The following CLCN3 variants were observed in gnomAD, a reference collection of about 807,000 sequenced individuals.
CLCN3 encodes H(+)/Cl(-) exchange transporter 3.
A neutral mutation model predicts 83.4 loss-of-function variants in CLCN3; 16 were observed. The observed-to-expected ratio is 0.19, with a 90% CI of 0.13 to 0.29. The LOEUF is 0.29. Ranked by LOEUF, CLCN3 falls within the 10% of genes least tolerant of loss-of-function variation. CLCN3 has a pLI of 1.00. For synonymous variants in CLCN3, 322 were observed against 346.2 expected, an observed-to-expected ratio of 0.93 and a Z score of 0.78; for missense variants, 544 against 1,006.0, an observed-to-expected ratio of 0.54 and a Z score of 6.21.
intron 3 of CLCN3, among the ~76,000 whole-genome samples, chr4:169,686,271 A>G (rs952685861): frequency 2.0e-5 from 3 of 151,948 alleles, no homozygotes; most frequent in Non-Finnish European, 4.4e-5. Context: ...ATGTATACAT[A>G]TGTAACAAAC....
At position 169,652,898 on chromosome 4, in the gene CLCN3, A is replaced by G. The variant is rs940450154; in HGVS notation, c.160+16810A>G. Among the ~76,000 whole-genome samples the G allele has an allele frequency of 5.3e-5, 8 of 152,314 alleles. No homozygotes were observed. In the East Asian group the frequency reaches 1.3e-3, roughly 26 times the overall value. ...ATGTCTATTTGGAAATCCTTTTCAG[A>G]GTACCAGTTTGGGTCATTTACTCAT... is the stretch of plus-strand genomic sequence containing the variant. On this transcript the variant is annotated intron_variant, in intron 2 of 12. Transcript: ENST00000513761.
intron 11 of CLCN3, among the ~76,000 whole-genome samples, chr4:169,709,559 C>T (rs1310704202): frequency 6.6e-6 from 1 of 151,936 alleles, no homozygotes; most frequent in African/African-American, 2.4e-5. Context: ...GTGACGCATG[C>T]CTATAATTCC....
intron 1 of CLCN3, among the ~76,000 whole-genome samples, chr4:169,628,328 T>A (rs1773285660): frequency 6.6e-6 from 1 of 152,200 alleles, no homozygotes; most frequent in African/African-American, 2.4e-5. Context: ...CAAAATTAAG[T>A]ATTTTTGCTC....
intron 2 of CLCN3, chr4:169,660,538 C>G (rs1731019436): frequency 1.8e-5 from 15 of 846,822 alleles, no homozygotes; most frequent in Non-Finnish European, 2.4e-5. Flanking sequence ...CTCGTTTGTC[C>G]TTTAAATACT....
At chr4:169,711,826 G>A (rs764625741) in intron 11 of CLCN3, among the ~76,000 whole-genome samples, 7 of 152,020 alleles carry the variant, frequency 4.6e-5, no homozygotes, top group Non-Finnish European at 8.8e-5. Context: ...GCTTATTATG[G>A]CTTAAATGTT....
intron 2 of CLCN3, among the ~76,000 whole-genome samples, chr4:169,646,545 C>G (rs1560833908): frequency 6.6e-6 from 1 of 152,190 alleles, no homozygotes; most frequent in African/African-American, 2.4e-5. Flanking sequence ...ATCTGCCCCC[C>G]TCGGCCTTCC....
intron 2 of CLCN3, among the ~76,000 whole-genome samples, chr4:169,641,788 G>A (rs1560831700): frequency 6.6e-6 from 1 of 152,154 alleles, no homozygotes; most frequent in Non-Finnish European, 1.5e-5. Flanking sequence ...CTTTCCTCCT[G>A]TAAACGCAGA....
Position 169,661,699 on chromosome 4 carries a change from T to C in CLCN3, c.161-18351T>C, listed in dbSNP as rs141722358. On this transcript the variant is annotated intron_variant, in intron 2 of 12. Transcript: ENST00000513761. ...ACCTTCTTAATAAAATTTTGATATA[T>C]GTGTATATGTATATGTTAGAACATT... Among the ~76,000 whole-genome samples, 23 of 152,242 alleles carry C rather than the reference T, an allele frequency of 1.5e-4. No individual in the cohort carries two copies. The East Asian group carries it at 2.7e-3, about 18-fold the overall frequency.
chr4:169,657,450 A>G (rs1444123890), intron 2 of CLCN3, among the ~76,000 whole-genome samples: 1 of 151,894 alleles, frequency 6.6e-6, no homozygotes, highest in African/African-American at 2.4e-5. Context: ...TGTATTTTCT[A>G]TAAGTTGGTA....
chr4:169,667,541 G>A (rs1230211027), intron 2 of CLCN3, among the ~76,000 whole-genome samples: 1 of 152,064 alleles, frequency 6.6e-6, no homozygotes, highest in Non-Finnish European at 1.5e-5. Context: ...GCCAGTTTTA[G>A]TTCATCGATT....
chr4:169,684,826 C>T (rs535667505), intron 3 of CLCN3, among the ~76,000 whole-genome samples: 27 of 152,190 alleles, frequency 1.8e-4, no homozygotes, highest in Admixed American at 6.5e-4. Context: ...ATAGTCATTT[C>T]GTTTACCCCA....
At chr4:169,632,894 G>T (rs1413272505) in intron 1 of CLCN3, among the ~76,000 whole-genome samples, 1 of 151,984 alleles carries the variant, frequency 6.6e-6, no homozygotes, top group Non-Finnish European at 1.5e-5. Flanking sequence ...AAAAAAAACT[G>T]TGCTGGCTGC....
At chr4:169,632,201 TCCA>T (rs1773389694) in intron 1 of CLCN3, among the ~76,000 whole-genome samples, 1 of 47,568 alleles carries the variant, frequency 2.1e-5, no homozygotes, top group Non-Finnish European at 6.3e-5. Flanking sequence ...GAGGGTATGA[TCCA>T]GGCAGAGGGA....
intron 3 of CLCN3, among the ~76,000 whole-genome samples, chr4:169,686,531 C>A (rs576096553): frequency 6.6e-6 from 1 of 152,012 alleles, no homozygotes; most frequent in South Asian, 2.1e-4. Context: ...ATTCTCCTGC[C>A]TCAGCTTCCC....
chr4:169,657,318 T>C (rs1238156377), intron 2 of CLCN3, among the ~76,000 whole-genome samples: 1 of 152,146 alleles, frequency 6.6e-6, no homozygotes, highest in Non-Finnish European at 1.5e-5. Context: ...TTCTGTAGGT[T>C]TCCCTCTCTC....
intron 5 of CLCN3, 40 bp from the exon 6 acceptor site, chr4:169,690,490 T>A (rs768856372): frequency 1.9e-6 from 3 of 1,592,102 alleles, no homozygotes; most frequent in Non-Finnish European, 8.6e-7. Context: ...AGAGGTGCAA[T>A]GTAAATTAAA....
At chr4:169,662,375 T>C (rs1245045764) in intron 2 of CLCN3, among the ~76,000 whole-genome samples, 10 of 152,186 alleles carry the variant, frequency 6.6e-5, no homozygotes, top group Non-Finnish European at 1.3e-4. Flanking sequence ...GACTGTACTG[T>C]ATTACCTCAA....
chr4:169,718,592 G>C (rs753364136), intron 12 of CLCN3, among the ~76,000 whole-genome samples: 4 of 152,092 alleles, frequency 2.6e-5, no homozygotes, highest in Non-Finnish European at 5.9e-5. Context: ...CTGGCTTTAT[G>C]TCCTAGTGGT....
At chr4:169,717,952 C>A in intron 12 of CLCN3, 1 of 836,182 alleles carries the variant, frequency 1.2e-6, no homozygotes, top group East Asian at 2.5e-5. Context: ...TCTGTCTTTC[C>A]CAGATATCTG....
Sources: allele counts gnomAD v4.1 joint callset (sites outside exome capture counted in the v4.1 genomes callset), GRCh38; gene constraint gnomAD v4.1.1; transcripts MANE v1.5; gene names NCBI Gene and HGNC (gene_info 2026-07-23, HGNC 2026-07-21).